LYZL4: variants seen among roughly 807,000 people sequenced by gnomAD.
The protein encoded by LYZL4 is lysozyme-like protein 4.
LYZL4 carries 13 observed loss-of-function variants against 17.6 expected under a neutral mutation model. The observed-to-expected ratio is 0.74, with a 90% CI of 0.48 to 1.18. LYZL4 has a LOEUF of 1.18. Among genes scored for constraint, LYZL4 ranks in the 50% most tolerant of loss-of-function variants. LYZL4 has a pLI of 0.00. For synonymous variants in LYZL4, 64 were observed against 67.7 expected (o/e 0.95, Z 0.27); for missense variants, 174 against 188.2 (o/e 0.92, Z 0.44).
intron 4 of LYZL4, among the ~76,000 whole-genome samples, chr3:42,398,110 G>A (rs1301754035): frequency 6.6e-6 from 1 of 152,190 alleles, no homozygotes; most frequent in Non-Finnish European, 1.5e-5. Context: ...GTTACAGAGT[G>A]GCAGGGAAAC....
the LYZL4 span, among the ~76,000 whole-genome samples, chr3:42,379,084 C>T: frequency 6.6e-6 from 1 of 152,086 alleles, no homozygotes; most frequent in African/African-American, 2.4e-5. Context: ...AACTGAGTGG[C>T]TTATACCAAT....
At chr3:42,364,551 G>A in the LYZL4 span, among the ~76,000 whole-genome samples, 5 of 152,026 alleles carry the variant, frequency 3.3e-5, no homozygotes, top group South Asian at 2.1e-4. Flanking sequence ...CACCATGTTA[G>A]CCAGGCTGGT....
the LYZL4 span, among the ~76,000 whole-genome samples, chr3:42,364,053 G>A: frequency 2.0e-5 from 3 of 152,262 alleles, no homozygotes; most frequent in Admixed American, 6.5e-5. Context: ...AACACAAGAC[G>A]GTAAGAGGCA....
chr3:42,381,296 G>A, the LYZL4 span, among the ~76,000 whole-genome samples: 3 of 121,798 alleles, frequency 2.5e-5, no homozygotes, highest in Non-Finnish European at 5.5e-5. Context: ...ACCAAGACCT[G>A]CATGAAATTT....
the LYZL4 span, among the ~76,000 whole-genome samples, chr3:42,373,712 G>A: frequency 1.3e-5 from 2 of 152,130 alleles, no homozygotes; most frequent in African/African-American, 4.8e-5. Flanking sequence ...GCATCAGAAA[G>A]TGGCTGAATT....
the LYZL4 span, among the ~76,000 whole-genome samples, chr3:42,362,628 G>A: frequency 1.8e-4 from 27 of 152,040 alleles, 1 homozygote; most frequent in Admixed American, 5.2e-4. Flanking sequence ...TTTTATAAGG[G>A]CACTAATCCC....
the LYZL4 span, among the ~76,000 whole-genome samples, chr3:42,369,185 A>G: frequency 1.3e-5 from 2 of 152,366 alleles, no homozygotes; most frequent in East Asian, 1.9e-4. Flanking sequence ...TTCCTTTCTC[A>G]GTCAAAAGCC....
downstream of LYZL4, among the ~76,000 whole-genome samples, chr3:42,393,176 A>C (rs901495495): frequency 1.3e-5 from 2 of 152,236 alleles, no homozygotes; most frequent in African/African-American, 4.8e-5. Context: ...TTTAGCTCAG[A>C]AGTGTGCAGG....
chr3:42,363,105 T>G, the LYZL4 span, among the ~76,000 whole-genome samples: 1 of 152,134 alleles, frequency 6.6e-6, no homozygotes, highest in East Asian at 1.9e-4. Flanking sequence ...ATGTGAGACA[T>G]TCTATAAAAC....
At chr3:42,393,681 T>C (rs247420), downstream of LYZL4, among the ~76,000 whole-genome samples, 79,209 of 152,064 alleles carry the variant, frequency 0.52, 20,885 homozygotes, top group Non-Finnish European at 0.57. Context: ...ATCAGAGTTA[T>C]CTGGAGAAGC....
At chr3:42,409,408 TA>T (rs946981791) in intron 1 of LYZL4, among the ~76,000 whole-genome samples, 7 of 152,192 alleles carry the variant, frequency 4.6e-5, no homozygotes, top group Admixed American at 6.5e-5. Flanking sequence ...TTATAATAAT[TA>T]AAAAAAGTGA....
the LYZL4 span, among the ~76,000 whole-genome samples, chr3:42,376,109 G>C: frequency 6.6e-5 from 10 of 152,174 alleles, no homozygotes; most frequent in African/African-American, 2.4e-4. Flanking sequence ...CCTCAAGGTT[G>C]TGGAAATGAA....
chr3:42,407,858 C>A (rs912412993), intron 1 of LYZL4, among the ~76,000 whole-genome samples: 1 of 152,124 alleles, frequency 6.6e-6, no homozygotes, highest in Non-Finnish European at 1.5e-5. Context: ...ACCAAACTCC[C>A]CTGAGTTTTT....
chr3:42,397,347 G>A lies in LYZL4; in HGVS notation c.372-13C>T. On this transcript the variant is annotated splice_polypyrimidine_tract_variant and intron_variant, in intron 4 of 4. Transcript: ENST00000287748. ...GGACCAGGTGGGCCTGTGGAGAGAA[G>A]TGAACAGGAAGGGCTCCTCAAAGTC... 6.4e-7 allele frequency: 1 copy of A among 1,559,798 alleles called. No homozygotes were observed. The highest frequency in any genetic ancestry group is 8.7e-7 in the Non-Finnish European group (1 of 1,149,214).
rs923430468 is a variant in LYZL4 at position 42,404,342 on chromosome 3, A to C, written c.293-218T>G. Among the ~76,000 whole-genome samples the C allele has an allele frequency of 1.7e-4, 26 of 152,124 alleles. 1 individual carries two copies. The highest frequency in any genetic ancestry group is 2.4e-5 in the African/African-American group (1 of 41,392). On this transcript the variant is annotated intron_variant, in intron 3 of 4. Transcript: ENST00000287748. ...ATTTTTTAACTTGTAATTCTTATAA[A>C]ATTTTTTCCATTAAAATATATTGAT... is the stretch of plus-strand genomic sequence containing the variant.
At chr3:42,363,160 G>C in the LYZL4 span, among the ~76,000 whole-genome samples, 1 of 152,096 alleles carries the variant, frequency 6.6e-6, no homozygotes, top group Non-Finnish European at 1.5e-5. Context: ...GGAAAAAAAA[G>C]TAGATTATTC....
At chr3:42,404,766 G>T (rs1698719835) in intron 3 of LYZL4, among the ~76,000 whole-genome samples, 1 of 151,938 alleles carries the variant, frequency 6.6e-6, no homozygotes, top group Non-Finnish European at 1.5e-5. Flanking sequence ...TAAATTACAG[G>T]CCTACTGTAT....
At chr3:42,385,183 CAA>C in the LYZL4 span, among the ~76,000 whole-genome samples, 7 of 144,676 alleles carry the variant, frequency 4.8e-5, no homozygotes, top group African/African-American at 9.9e-5. Flanking sequence ...TGCCTCTTTT[CAA>C]AAAAAAAAAA....
the LYZL4 span, among the ~76,000 whole-genome samples, chr3:42,388,640 G>A: frequency 1.3e-5 from 2 of 152,208 alleles, no homozygotes; most frequent in African/African-American, 4.8e-5. Context: ...ACTGAAACCA[G>A]TAAAATTTTT....
Sources: gnomAD v4.1 joint callset for allele counts (sites outside exome capture counted in the v4.1 genomes callset) on GRCh38, gnomAD v4.1.1 for gene constraint, MANE v1.5 for transcripts, NCBI Gene and HGNC (gene_info 2026-07-23, HGNC 2026-07-21) for gene names.